KLHL2: variants seen among roughly 807,000 people sequenced by gnomAD.
KLHL2 encodes kelch-like protein 2.
KLHL2 carries 15 observed loss-of-function variants against 75.8 expected under a neutral mutation model. The observed-to-expected ratio is 0.20, with a 90% CI of 0.13 to 0.30. The LOEUF (loss-of-function observed/expected upper bound fraction) is 0.30. KLHL2 is among the 10% of genes least tolerant of loss of function. KLHL2 has a pLI of 1.00. For synonymous variants in KLHL2, 214 were observed against 251.9 expected (o/e 0.85, Z 1.42); for missense variants, 381 against 741.0 (o/e 0.51, Z 5.64).
chr4:165,248,352 G>A (rs1740428648), intron 4 of KLHL2, among the ~76,000 whole-genome samples: 1 of 152,180 alleles, frequency 6.6e-6, no homozygotes. Context: ...TGGGGTGATT[G>A]TAGTACCATA....
intron 5 of KLHL2, among the ~76,000 whole-genome samples, chr4:165,291,848 G>A (rs1744538259): frequency 1.3e-5 from 2 of 151,372 alleles, no homozygotes. Context: ...TTTTTTTAAA[G>A]AGACAAGCCG....
At chr4:165,219,787 C>A in intron 1 of KLHL2, 147 bp from the exon 2 acceptor site, 5 of 1,359,028 alleles carry the variant, frequency 3.7e-6, no homozygotes, top group Non-Finnish European at 4.8e-6. Context: ...TTGTCTTAAC[C>A]TTACATTGGG....
chr4:165,210,514 T>G (rs1472232400), intron 1 of KLHL2, among the ~76,000 whole-genome samples: 4 of 152,242 alleles, frequency 2.6e-5, no homozygotes, highest in Non-Finnish European at 5.9e-5. Context: ...TGCTTATTGT[T>G]TTTTGCATAC....
chr4:165,301,592 A>G (rs1745353684), intron 8 of KLHL2, among the ~76,000 whole-genome samples: 1 of 152,192 alleles, frequency 6.6e-6, no homozygotes, highest in South Asian at 2.1e-4. Flanking sequence ...TCATTAATTC[A>G]TATTTGTCCA....
At position 165,281,208 on chromosome 4, in the gene KLHL2, A is replaced by G. The variant is rs147235115; in HGVS notation, c.545-13151A>G. Reference sequence around the variant, plus strand: ...TACAAAGGGTACTTTGTACCTTATTACAGGATACAAAACAGAACAAATAAC... The same window carrying G: ...TACAAAGGGTACTTTGTACCTTATTGCAGGATACAAAACAGAACAAATAAC... On this transcript the variant is annotated intron_variant, in intron 5 of 14. Coordinates refer to ENST00000226725, the MANE Select transcript of KLHL2 (RefSeq NM_007246.4). 2.6e-3 allele frequency among the ~76,000 whole-genome samples: 392 copies of G among 152,294 alleles called. 2 individuals carry two copies. The highest frequency in any genetic ancestry group is 8.6e-3 in the African/African-American group (356 of 41,566).
chr4:165,304,778 G>T (rs1233956896), intron 8 of KLHL2, among the ~76,000 whole-genome samples: 2 of 152,140 alleles, frequency 1.3e-5, no homozygotes, highest in African/African-American at 2.4e-5. Context: ...ATATGTAATT[G>T]TGTACTCTTC....
At chr4:165,257,601 A>T (rs540904568) in intron 4 of KLHL2, among the ~76,000 whole-genome samples, 1 of 152,314 alleles carries the variant, frequency 6.6e-6, no homozygotes, top group South Asian at 2.1e-4. Context: ...GCAAGAAGTA[A>T]GGCTGAGAAG....
chr4:165,321,294 C>T (rs1746960241), intron 14 of KLHL2: 2 of 456,180 alleles, frequency 4.4e-6, no homozygotes, highest in Non-Finnish European at 8.8e-6. Flanking sequence ...AACCTCTCCT[C>T]TTTCTCCTCC....
chr4:165,300,095 C>G (rs1745232730), intron 8 of KLHL2, among the ~76,000 whole-genome samples: 1 of 151,988 alleles, frequency 6.6e-6, no homozygotes, highest in East Asian at 1.9e-4. Flanking sequence ...TTGAGACCAG[C>G]CTGGCCATCT....
At chr4:165,211,283 G>GA (rs996718687) in intron 1 of KLHL2, among the ~76,000 whole-genome samples, 1 of 151,956 alleles carries the variant, frequency 6.6e-6, no homozygotes. Context: ...TTTTATGAAA[G>GA]AAAAAAACAT....
At chr4:165,320,364 A>G (rs1171219650) in intron 14 of KLHL2, among the ~76,000 whole-genome samples, 1 of 152,188 alleles carries the variant, frequency 6.6e-6, no homozygotes, top group Non-Finnish European at 1.5e-5. Context: ...TAGACAAGAA[A>G]TCTTTTCCCG....
intron 4 of KLHL2, among the ~76,000 whole-genome samples, chr4:165,255,229 A>G (rs1741067348): frequency 6.6e-6 from 1 of 152,118 alleles, no homozygotes; most frequent in Non-Finnish European, 1.5e-5. Context: ...TTGCTTTTCT[A>G]CTTCATTAAT....
intron 3 of KLHL2, among the ~76,000 whole-genome samples, chr4:165,237,303 A>G (rs1739431655): frequency 6.7e-6 from 1 of 149,596 alleles, no homozygotes; most frequent in African/African-American, 2.5e-5. Context: ...AGCAGGGGAA[A>G]AACATTTGCC....
At chr4:165,210,191 G>A (rs1209856415) in intron 1 of KLHL2, 2 of 1,551,262 alleles carry the variant, frequency 1.3e-6, no homozygotes, top group Non-Finnish European at 1.7e-6. Flanking sequence ...GTAAGTGTCT[G>A]TTTATTAATT....
intron 5 of KLHL2, among the ~76,000 whole-genome samples, chr4:165,270,387 G>A (rs1157126957): frequency 6.6e-6 from 1 of 152,164 alleles, no homozygotes; most frequent in East Asian, 1.9e-4. Context: ...GCGATCCTTT[G>A]AAGGAGAAGA....
intron 1 of KLHL2, among the ~76,000 whole-genome samples, chr4:165,211,289 A>G (rs1381124206): frequency 6.6e-6 from 1 of 152,280 alleles, no homozygotes; most frequent in Admixed American, 6.5e-5. Flanking sequence ...GAAAGAAAAA[A>G]ACATTTTAGT....
chr4:165,271,344 T>A (rs796755225), intron 5 of KLHL2, among the ~76,000 whole-genome samples: 16 of 152,312 alleles, frequency 1.1e-4, no homozygotes, highest in African/African-American at 3.8e-4. Flanking sequence ...GTTTTGTAGT[T>A]CTCCTTGTAG....
intron 1 of KLHL2, among the ~76,000 whole-genome samples, chr4:165,213,568 C>T (rs554883764): frequency 5.9e-5 from 9 of 152,288 alleles, no homozygotes; most frequent in South Asian, 2.1e-4. Flanking sequence ...TCCAGCTCAT[C>T]GTTGCATTCC....
chr4:165,229,978 A>T (rs1738751039), intron 3 of KLHL2, among the ~76,000 whole-genome samples: 1 of 152,258 alleles, frequency 6.6e-6, no homozygotes, highest in African/African-American at 2.4e-5. Flanking sequence ...GAACAGAGTT[A>T]AATAATCAGG....
Sources: allele counts gnomAD v4.1 joint callset (sites outside exome capture counted in the v4.1 genomes callset), GRCh38; gene constraint gnomAD v4.1.1; transcripts MANE v1.5; gene names NCBI Gene and HGNC (gene_info 2026-07-23, HGNC 2026-07-21).